EIF3M: variants seen among roughly 807,000 people sequenced by gnomAD.
EIF3M encodes eukaryotic translation initiation factor 3 subunit M.
Under a neutral mutation model 49.7 loss-of-function variants are expected in EIF3M, and 25 were observed. The observed-to-expected ratio is 0.50, with a 90% CI of 0.37 to 0.70. The LOEUF is 0.70. EIF3M is among the 30% of genes least tolerant of loss of function. EIF3M has a pLI of 0.00. For synonymous variants in EIF3M, 156 were observed against 149.8 expected, an observed-to-expected ratio of 1.04 and a Z score of -0.30; for missense variants, 350 against 440.0, an observed-to-expected ratio of 0.80 and a Z score of 1.83.
intron 5 of EIF3M, 151 bp downstream of exon 5, chr11:32,589,792 T>TCA: frequency 3.4e-6 from 2 of 585,380 alleles, no homozygotes; most frequent in Non-Finnish European, 5.7e-6. Context: ...GACCTAAAGT[T>TCA]AAAGATAACT....
chr11:32,599,276 T>G (rs1232922186), intron 8 of EIF3M, among the ~76,000 whole-genome samples: 1 of 152,016 alleles, frequency 6.6e-6, no homozygotes, highest in African/African-American at 2.4e-5. Context: ...CATTGTTAAT[T>G]AGGGTTAATG....
chr11:32,593,806 A>AT (rs66536432), intron 5 of EIF3M, 60 bp from the exon 6 acceptor site: 968,313 of 1,237,292 alleles, frequency 0.78, 385,473 homozygotes, highest in African/African-American at 0.93. Context: ...TCTTAAAAAT[A>AT]TTTTAAATGA....
rs1855288525 is a variant in EIF3M at position 32,602,658 on chromosome 11, CAGA to C, written c.*262_*264del. ...GAAAGGATAATATACAGAGAGAAGA[CAGA>C]AGTAGAGTAATACAATTTCTTCACA... On this transcript the variant is annotated 3_prime_UTR_variant, in exon 11 of 11. Transcript: ENST00000531120. 3 of 770,154 alleles carry C rather than the reference CAGA, an allele frequency of 3.9e-6. No homozygotes were observed. Among genetic ancestry groups the C allele is most frequent in the Non-Finnish European group, 6.1e-6 (3 of 493,688 alleles). 47.7% of individuals were successfully genotyped at this position (770,154 alleles called of 1,614,324 possible).
intron 1 of EIF3M, among the ~76,000 whole-genome samples, chr11:32,585,209 G>T (rs977220862): frequency 6.6e-6 from 1 of 152,146 alleles, no homozygotes; most frequent in Non-Finnish European, 1.5e-5. Flanking sequence ...CAGATAGGAA[G>T]ATATGAAAGA....
chr11:32,598,088 T>C (rs554300135), intron 8 of EIF3M, among the ~76,000 whole-genome samples: 1 of 152,310 alleles, frequency 6.6e-6, no homozygotes, highest in Non-Finnish European at 1.5e-5. Context: ...CCAGTTAATT[T>C]GTTTTGTGGC....
chr11:32,587,261 G>GTC, intron 2 of EIF3M, 117 bp downstream of exon 2: 2 of 1,000,594 alleles, frequency 2.0e-6, no homozygotes, highest in Non-Finnish European at 2.8e-6. Context: ...CTCAGATACA[G>GTC]AAGGCTGACT....
intron 2 of EIF3M, among the ~76,000 whole-genome samples, chr11:32,588,208 G>C (rs1487822210): frequency 6.6e-6 from 1 of 151,990 alleles, no homozygotes; most frequent in Non-Finnish European, 1.5e-5. Context: ...GGCCAATATG[G>C]TGAAACCCCG....
At chr11:32,588,778 T>C (rs1406095515) in intron 3 of EIF3M, 46 bp downstream of exon 3, 1 of 1,610,226 alleles carries the variant, frequency 6.2e-7, no homozygotes, top group Non-Finnish European at 8.5e-7. Flanking sequence ...GGTGCTTTTT[T>C]CATGTTACTA....
intron 5 of EIF3M, 39 bp from the exon 6 acceptor site, chr11:32,593,827 G>C: frequency 7.0e-7 from 1 of 1,427,792 alleles, no homozygotes; most frequent in Non-Finnish European, 9.5e-7. Flanking sequence ...ATGAATAGCA[G>C]TAATGCTTTC....
chr11:32,600,199 G>A (rs897930946), intron 8 of EIF3M, among the ~76,000 whole-genome samples: 1 of 151,798 alleles, frequency 6.6e-6, no homozygotes, highest in Non-Finnish European at 1.5e-5. Flanking sequence ...GAAAATGTTT[G>A]TGAAAGTATT....
chr11:32,584,555 C>G (rs1854962669), intron 1 of EIF3M, among the ~76,000 whole-genome samples: 1 of 141,518 alleles, frequency 7.1e-6, no homozygotes, highest in African/African-American at 2.6e-5. Context: ...TTGCAGTGAG[C>G]CAAGATCGCG....
chr11:32,602,217 TATAAA>T, intron 10 of EIF3M, 57 bp from the exon 11 acceptor site: 1 of 1,583,138 alleles, frequency 6.3e-7, no homozygotes, highest in East Asian at 2.3e-5. Flanking sequence ...TCTGTAGTAT[TATAAA>T]AGAATACCAG....
chr11:32,602,145 T>C (rs757860370), intron 10 of EIF3M, 134 bp from the exon 11 acceptor site: 2 of 1,277,996 alleles, frequency 1.6e-6, no homozygotes, highest in Non-Finnish European at 2.2e-6. Context: ...ATTATGTAAT[T>C]CTTAAATTCT....
In EIF3M at chr11:32,596,004, T is replaced by C. The variant is rs147156038; in HGVS notation, c.756T>C (p.Tyr252=). 2 of 1,564,694 alleles carry C rather than the reference T, an allele frequency of 1.3e-6. No individual in the cohort carries two copies. Among genetic ancestry groups the C allele is most frequent in the African/African-American group, 2.8e-5 (2 of 71,304 alleles). ...TIFVSAKLAS[Y]VKFYQNNKDF... ...TTGTGAGTGCTAAATTGGCATCATATGTCAAGTTTTATCAGAATAATAAAG... is the reference window on the plus strand; with the variant it reads ...TTGTGAGTGCTAAATTGGCATCATACGTCAAGTTTTATCAGAATAATAAAG... Residue 252 remains tyrosine, a synonymous_variant, in exon 8 of 11, where the codon TAT becomes TAC. Transcript: ENST00000531120.
At position 32,602,543 on chromosome 11, in the gene EIF3M, A is replaced by T; in HGVS notation, c.*144A>T. 1 of 1,034,780 alleles carries T rather than the reference A, an allele frequency of 9.7e-7. No individual in the cohort carries two copies. Among genetic ancestry groups the T allele is most frequent in the Non-Finnish European group, 1.4e-6 (1 of 737,970 alleles). The allele number at this position is 1,034,780 out of a possible 1,614,324, so 64.1% of individuals were successfully genotyped here. On this transcript the variant is annotated 3_prime_UTR_variant, in exon 11 of 11. Coordinates refer to ENST00000531120, the MANE Select transcript of EIF3M (RefSeq NM_006360.6). ...CACAAACTCCAGAGGATATGAAGTA[A>T]TAAATTACAAGGGGTCACAATGTCT...
intron 2 of EIF3M, 132 bp downstream of exon 2, chr11:32,587,276 TTA>T (rs1190716584): frequency 2.2e-6 from 2 of 893,976 alleles, no homozygotes; most frequent in African/African-American, 3.4e-5. Flanking sequence ...CTGACTGTAT[TTA>T]TATGTTTTGA....
At chr11:32,588,077 T>A (rs1160053308) in intron 2 of EIF3M, among the ~76,000 whole-genome samples, 1 of 152,126 alleles carries the variant, frequency 6.6e-6, no homozygotes. Context: ...TGTAAATCAG[T>A]CTCTGTTTTA....
intron 8 of EIF3M, among the ~76,000 whole-genome samples, chr11:32,599,148 CT>C (rs1317310585): frequency 6.6e-6 from 1 of 152,056 alleles, no homozygotes; most frequent in Admixed American, 6.6e-5. Flanking sequence ...ACACTGACAA[CT>C]TAGGCCAACA....
At chr11:32,597,943 C>T (rs914391217) in intron 8 of EIF3M, among the ~76,000 whole-genome samples, 12 of 151,960 alleles carry the variant, frequency 7.9e-5, no homozygotes, top group African/African-American at 2.9e-4. Context: ...TTGTGTGCCT[C>T]CATTGGAATT....
Sources: gnomAD v4.1 joint callset for allele counts (sites outside exome capture counted in the v4.1 genomes callset) on GRCh38, gnomAD v4.1.1 for gene constraint, MANE v1.5 for transcripts, NCBI Gene and HGNC (gene_info 2026-07-23, HGNC 2026-07-21) for gene names.